The following SCARB2 variants were observed in gnomAD, a reference collection of about 807,000 sequenced individuals.
The protein encoded by SCARB2 is scavenger receptor class B member 2, also known as lysosome membrane protein 2.
SCARB2 carries 29 observed loss-of-function variants against 58.6 expected under a neutral mutation model. The observed-to-expected ratio is 0.49, with a 90% CI of 0.37 to 0.67. The LOEUF (loss-of-function observed/expected upper bound fraction) is 0.67. SCARB2 is among the 30% of genes least tolerant of loss of function. SCARB2 has a pLI of 0.00. For missense variants in SCARB2, 488 were observed against 578.5 expected, an observed-to-expected ratio of 0.84 and a Z score of 1.60; for synonymous variants, 195 against 210.1, an observed-to-expected ratio of 0.93 and a Z score of 0.62.
At chr4:76,224,560 A>T (rs6848690) in intron 1 of SCARB2, among the ~76,000 whole-genome samples, 40,675 of 151,786 alleles carry the variant, frequency 0.27, 5,859 homozygotes, top group African/African-American at 0.39. Context: ...ATAACTTTTT[A>T]AAAAATCCTT....
rs1481996127 is a variant in SCARB2, at chr4:76,203,046, C to G, written c.118-7182G>C. Among the ~76,000 whole-genome samples, 4 of 152,252 alleles carry G rather than the reference C, an allele frequency of 2.6e-5. No individual in the cohort carries two copies. The East Asian group carries it at 5.8e-4, about 22-fold the overall frequency. ...TGCTTTTGTCACTCAGGCTGGAATGCAGTGGTGCAATCTTGGCTCACTGCA... is the reference window on the plus strand; with the variant it reads ...TGCTTTTGTCACTCAGGCTGGAATGGAGTGGTGCAATCTTGGCTCACTGCA... On this transcript the variant is annotated intron_variant, in intron 1 of 11. Transcript: ENST00000264896.
intron 2 of SCARB2, among the ~76,000 whole-genome samples, chr4:76,189,029 T>C (rs530314580): frequency 6.6e-6 from 1 of 152,386 alleles, no homozygotes; most frequent in East Asian, 1.9e-4. Context: ...TCATTACTTT[T>C]AAATACTTTT....
intron 1 of SCARB2, among the ~76,000 whole-genome samples, chr4:76,198,209 A>T (rs1732754076): frequency 6.6e-6 from 1 of 152,214 alleles, no homozygotes; most frequent in Non-Finnish European, 1.5e-5. Flanking sequence ...TTCCAGTGAG[A>T]AAGGACTTGA....
chr4:76,228,220 G>A (rs1298257692), intron 1 of SCARB2, among the ~76,000 whole-genome samples: 1 of 152,078 alleles, frequency 6.6e-6, no homozygotes, highest in Admixed American at 6.5e-5. Context: ...GCTCACACCT[G>A]TAATCCCAGC....
chr4:76,197,779 T>C (rs1216136649), intron 1 of SCARB2, among the ~76,000 whole-genome samples: 1 of 152,188 alleles, frequency 6.6e-6, no homozygotes, highest in Non-Finnish European at 1.5e-5. Flanking sequence ...AGAATTTGTA[T>C]CAGTTATAAT....
In SCARB2 at chr4:76,161,725, G is replaced by A. The variant is rs780985651; in HGVS notation, c.1425C>T (p.Leu475=). The change falls in exon 12 of 12, where the codon CTC becomes CTT. Residue 475 remains leucine (L), a synonymous_variant. Coordinates refer to ENST00000264896, the MANE Select transcript of SCARB2 (RefSeq NM_005506.4). The part of the protein sequence containing the change: ...DEGTADERAP[L]IRT ...GCAAAGGCAATGTTTAGGTTCGAATGAGGGGTGCTCTTTCATCCGCTGTTC... is the reference window on the plus strand; with the variant it reads ...GCAAAGGCAATGTTTAGGTTCGAATAAGGGGTGCTCTTTCATCCGCTGTTC... 1.2e-6 allele frequency: 2 copies of A among 1,614,194 alleles called. No homozygotes were observed. The highest frequency in any genetic ancestry group is 2.2e-5 in the South Asian group (2 of 91,084).
chr4:76,166,435 T>C, intron 9 of SCARB2, 134 bp from the exon 10 acceptor site: 9 of 924,732 alleles, frequency 9.7e-6, no homozygotes, highest in Middle Eastern at 2.5e-4. Flanking sequence ...GATTTCTTAG[T>C]TATCTTTGCA....
chr4:76,210,147 T>C (rs1188987448), intron 1 of SCARB2, among the ~76,000 whole-genome samples: 5 of 152,196 alleles, frequency 3.3e-5, no homozygotes. Flanking sequence ...GTGCGAGGCA[T>C]TGTGCTGGGT....
At chr4:76,170,659 A>G (rs1420490489) in intron 7 of SCARB2, among the ~76,000 whole-genome samples, 1 of 152,144 alleles carries the variant, frequency 6.6e-6, no homozygotes, top group Non-Finnish European at 1.5e-5. Flanking sequence ...CTGGGACTAC[A>G]GGCATGCACC....
At chr4:76,208,980 T>C (rs959672653) in intron 1 of SCARB2, among the ~76,000 whole-genome samples, 7 of 152,328 alleles carry the variant, frequency 4.6e-5, no homozygotes, top group African/African-American at 7.2e-5. Flanking sequence ...GGATGTATGG[T>C]CATCCTTGAG....
At position 76,213,769 on chromosome 4, in the gene SCARB2, T is replaced by C. The variant is rs1011520438; in HGVS notation, c.-226A>G. The C allele has an allele frequency of 3.0e-5, 13 of 430,660 alleles. No homozygotes were observed. Among genetic ancestry groups the C allele is most frequent in the African/African-American group, 8.5e-5 (4 of 46,794 alleles). 26.7% of individuals were successfully genotyped at this position (430,660 alleles called of 1,614,324 possible). A position where few individuals can be genotyped will look rare whatever the true frequency, so the allele number is the denominator to read the frequency against. The stretch of plus-strand genomic sequence containing the variant: ...CGCGGAGGGACGGGCCCGGACTCGG[T>C]TTCGGTTTCCTTCGCCGGGCAGCCG... On this transcript the variant is annotated 5_prime_UTR_variant, in exon 1 of 12. Coordinates refer to ENST00000264896, the MANE Select transcript of SCARB2 (RefSeq NM_005506.4).
At chr4:76,180,370 TAATA>T (rs1269293492) in intron 3 of SCARB2, 1 of 151,840 alleles carries the variant, frequency 6.6e-6, no homozygotes, top group Non-Finnish European at 1.5e-5. Context: ...AAAAAATTAA[TAATA>T]AATAAATTAA....
rs1731857481 is a variant in SCARB2, at chr4:76,159,753, A to T, written c.*1960T>A. 1.3e-5 allele frequency: 2 copies of T among 152,168 alleles called. No homozygotes were observed. The highest frequency in any genetic ancestry group is 4.1e-4 in the South Asian group (2 of 4,824). 9.4% of individuals were successfully genotyped at this position (152,168 alleles called of 1,614,324 possible). On this transcript the variant is annotated 3_prime_UTR_variant, in exon 12 of 12. Transcript: ENST00000264896. The stretch of plus-strand genomic sequence containing the variant: ...AGAATCATGACACAAGTATGGAAGT[A>T]ATGTTTTTGGTCTCCCTGCCAGTGT...
rs1023967244 is a variant in SCARB2 at position 76,180,014 on chromosome 4, G to A, written c.424-309C>T. 2.7e-5 allele frequency: 11 copies of A among 407,488 alleles called. No homozygotes were observed. In the East Asian group the frequency reaches 6.0e-4, roughly 22 times the overall value. 25.2% of individuals were successfully genotyped at this position (407,488 alleles called of 1,614,324 possible). The stretch of plus-strand genomic sequence containing the variant: ...ACATGTGGGCATCTTTGGCCACAAG[G>A]TGGCGCTACCTTCCGCCTAAGCAGG... On this transcript the variant is annotated intron_variant, in intron 3 of 11. Coordinates refer to ENST00000264896, the MANE Select transcript of SCARB2 (RefSeq NM_005506.4).
chr4:76,205,812 A>G (rs1437094426), intron 1 of SCARB2, among the ~76,000 whole-genome samples: 2 of 152,198 alleles, frequency 1.3e-5, no homozygotes, highest in Non-Finnish European at 2.9e-5. Flanking sequence ...GATCCTCTCA[A>G]GCTATCTTTC....
intron 2 of SCARB2, among the ~76,000 whole-genome samples, chr4:76,191,681 C>A (rs1023503160): frequency 6.6e-6 from 1 of 151,936 alleles, no homozygotes; most frequent in Non-Finnish European, 1.5e-5. Context: ...AGTAAATTAC[C>A]CAGTCTCAGG....
chr4:76,234,085 T>A (rs1441881918), intron 1 of SCARB2, among the ~76,000 whole-genome samples: 2 of 152,156 alleles, frequency 1.3e-5, no homozygotes, highest in Non-Finnish European at 2.9e-5. Flanking sequence ...ACCAGCCAGC[T>A]GCCCGCGGCA....
chr4:76,170,519 TA>T (rs201349280), intron 7 of SCARB2, among the ~76,000 whole-genome samples: 4 of 151,916 alleles, frequency 2.6e-5, no homozygotes, highest in African/African-American at 7.2e-5. Context: ...TTTTTAAAAT[TA>T]AAAAAAAATT....
intron 2 of SCARB2, among the ~76,000 whole-genome samples, chr4:76,182,758 A>C (rs1732410017): frequency 6.6e-6 from 1 of 152,218 alleles, no homozygotes. Context: ...GAAGGCTGAA[A>C]CTGGTACGTA....
Sources: gnomAD v4.1 joint callset for allele counts (sites outside exome capture counted in the v4.1 genomes callset) on GRCh38, gnomAD v4.1.1 for gene constraint, MANE v1.5 for transcripts, NCBI Gene and HGNC (gene_info 2026-07-23, HGNC 2026-07-21) for gene names.